Variants in CCDC85A observed in about 807,000 individuals in gnomAD.
CCDC85A encodes coiled-coil domain-containing protein 85A.
In CCDC85A, 38 loss-of-function variants were observed where a neutral mutation model predicts 50.2. That is an observed-to-expected ratio of 0.76 (90% CI 0.58 to 0.99). CCDC85A has a LOEUF of 0.99. Among genes scored for constraint, CCDC85A ranks in the 50% least tolerant of loss-of-function variants. The probability of loss-of-function intolerance (pLI) is 0.00; values close to 1 mark genes in which losing one functional copy is unlikely to be tolerated. For missense variants in CCDC85A, 820 were observed against 742.0 expected (o/e 1.11, Z -1.22); for synonymous variants, 366 against 301.4 (o/e 1.21, Z -2.22).
At chr2:56,217,912 G>A (rs1421195437) in intron 2 of CCDC85A, among the ~76,000 whole-genome samples, 2 of 151,580 alleles carry the variant, frequency 1.3e-5, no homozygotes, top group African/African-American at 2.4e-5. Context: ...CCTGATTATT[G>A]GTTTCTTAAA....
intron 2 of CCDC85A, among the ~76,000 whole-genome samples, chr2:56,337,683 C>T (rs1188253464): frequency 6.6e-6 from 1 of 152,080 alleles, no homozygotes. Context: ...TTTCTTTGCT[C>T]CCCTTTCACA....
At chr2:56,265,261 A>G (rs901229164) in intron 2 of CCDC85A, among the ~76,000 whole-genome samples, 29 of 152,234 alleles carry the variant, frequency 1.9e-4, no homozygotes, top group African/African-American at 6.8e-4. Context: ...AAAGTTGCCT[A>G]TAGTTGAACA....
At chr2:56,337,543 G>T (rs114095418) in intron 2 of CCDC85A, among the ~76,000 whole-genome samples, 3,695 of 152,184 alleles carry the variant, frequency 0.024, 61 homozygotes, top group Non-Finnish European at 0.039. Flanking sequence ...GTTTACAATA[G>T]GATCATTTTT....
At chr2:56,351,839 A>G (rs1462686405) in intron 3 of CCDC85A, among the ~76,000 whole-genome samples, 1 of 152,042 alleles carries the variant, frequency 6.6e-6, no homozygotes, top group East Asian at 1.9e-4. Flanking sequence ...TTTTCTGTGC[A>G]GAAGCTCTTT....
chr2:56,190,984 C>A (rs1010690204), intron 1 of CCDC85A, among the ~76,000 whole-genome samples: 33 of 152,308 alleles, frequency 2.2e-4, no homozygotes, highest in African/African-American at 7.2e-4. Context: ...GGCCCTGATG[C>A]CTCTCAGACC....
chr2:56,234,579 A>G (rs578059620), intron 2 of CCDC85A, among the ~76,000 whole-genome samples: 3 of 151,638 alleles, frequency 2.0e-5, no homozygotes, highest in East Asian at 3.9e-4. Flanking sequence ...TCATCTTGCA[A>G]CTCCTCAGTC....
chr2:56,365,697 A>G (rs147853421), intron 3 of CCDC85A, among the ~76,000 whole-genome samples: 114 of 152,350 alleles, frequency 7.5e-4, no homozygotes, highest in African/African-American at 2.6e-3. Context: ...AAAGTATTAG[A>G]CATCGTGGAA....
chr2:56,310,789 C>A (rs1229055276), intron 2 of CCDC85A, among the ~76,000 whole-genome samples: 2 of 152,122 alleles, frequency 1.3e-5, no homozygotes, highest in South Asian at 2.1e-4. Context: ...GTTATATGGA[C>A]AACTGCACGT....
At chr2:56,250,288 G>A (rs1006218202) in intron 2 of CCDC85A, among the ~76,000 whole-genome samples, 25 of 152,178 alleles carry the variant, frequency 1.6e-4, no homozygotes, top group Non-Finnish European at 2.9e-5. Flanking sequence ...AATGTGCCCT[G>A]GACCCTATGC....
At chr2:56,199,895 A>G (rs1462780207) in intron 2 of CCDC85A, among the ~76,000 whole-genome samples, 5 of 152,164 alleles carry the variant, frequency 3.3e-5, no homozygotes, top group Admixed American at 3.3e-4. Flanking sequence ...TTTGAGATGG[A>G]GTCTCGCTCT....
chr2:56,319,996 G>A (rs571733992), intron 2 of CCDC85A, among the ~76,000 whole-genome samples: 19 of 152,200 alleles, frequency 1.2e-4, no homozygotes, highest in East Asian at 3.9e-4. Context: ...GCTCAAAACC[G>A]CTCAACTACA....
intron 2 of CCDC85A, among the ~76,000 whole-genome samples, chr2:56,266,796 T>C (rs1281294324): frequency 1.3e-5 from 2 of 152,184 alleles, no homozygotes; most frequent in African/African-American, 4.8e-5. Context: ...CTTATAGATC[T>C]GACCCTTAGT....
chr2:56,189,681 C>G (rs992136444), intron 1 of CCDC85A, among the ~76,000 whole-genome samples: 1 of 152,004 alleles, frequency 6.6e-6, no homozygotes, highest in African/African-American at 2.4e-5. Flanking sequence ...TATGATTAAT[C>G]CCATCTTCCA....
At chr2:56,348,997 G>A (rs1180859404) in intron 3 of CCDC85A, among the ~76,000 whole-genome samples, 1 of 152,062 alleles carries the variant, frequency 6.6e-6, no homozygotes, top group Non-Finnish European at 1.5e-5. Flanking sequence ...CACAGAGTAA[G>A]GCTTTCCAGG....
chr2:56,288,587 A>G (rs1292820233), intron 2 of CCDC85A, among the ~76,000 whole-genome samples: 4 of 152,152 alleles, frequency 2.6e-5, no homozygotes, highest in African/African-American at 9.7e-5. Context: ...TTAATTTGGC[A>G]TGAAAATGAC....
chr2:56,213,543 G>C (rs1438161042), intron 2 of CCDC85A, among the ~76,000 whole-genome samples: 2 of 151,920 alleles, frequency 1.3e-5, no homozygotes, highest in Non-Finnish European at 2.9e-5. Flanking sequence ...GTTGTTCTAA[G>C]AGGTTGTTCT....
intron 3 of CCDC85A, among the ~76,000 whole-genome samples, chr2:56,354,049 TATCTC>T: frequency 6.6e-6 from 1 of 152,194 alleles, no homozygotes; most frequent in African/African-American, 2.4e-5. Context: ...GACCACATGT[TATCTC>T]ATATTGCATG....
intron 2 of CCDC85A, among the ~76,000 whole-genome samples, chr2:56,275,137 G>A (rs1049058658): frequency 6.6e-6 from 1 of 151,960 alleles, no homozygotes; most frequent in African/African-American, 2.4e-5. Flanking sequence ...GGTCGGGGGG[G>A]AATTATTCAG....
At chr2:56,361,465 A>G (rs1011741344) in intron 3 of CCDC85A, among the ~76,000 whole-genome samples, 16 of 152,322 alleles carry the variant, frequency 1.1e-4, no homozygotes, top group African/African-American at 3.8e-4. Context: ...TATTTTTAAA[A>G]CCATAAATAT....
Sources: allele counts gnomAD v4.1 joint callset (sites outside exome capture counted in the v4.1 genomes callset), GRCh38; gene constraint gnomAD v4.1.1; transcripts MANE v1.5; gene names NCBI Gene and HGNC (gene_info 2026-07-23, HGNC 2026-07-21).